Variants in SH3D19 observed in about 807,000 individuals in gnomAD.
The protein encoded by SH3D19 is SH3 domain-containing protein 19.
In SH3D19, 58 loss-of-function variants were observed where a neutral mutation model predicts 112.1. The ratio of observed to expected loss-of-function variants is 0.52; its 90% CI spans 0.42 to 0.64. The LOEUF (loss-of-function observed/expected upper bound fraction) is 0.64, where lower values mean the gene tolerates loss of function less well. SH3D19 is among the 30% of genes least tolerant of loss of function. The pLI is 0.00. For synonymous variants in SH3D19, 391 were observed against 448.5 expected (o/e 0.87, Z 1.62); for missense variants, 1,090 against 1,263.4 (o/e 0.86, Z 2.08).
At position 151,132,197 on chromosome 4, in the gene SH3D19, G is replaced by T. The variant is rs187596137; in HGVS notation, c.2742+134C>A. On this transcript the variant is annotated intron_variant, in intron 17 of 19. Coordinates refer to ENST00000604030, the MANE Select transcript of SH3D19 (RefSeq NM_001378122.1). Reference sequence around the variant, plus strand: ...TATATAAAATATATTAACCATCTAAGAATTTATTACAAACATTTGTTGTAT... The same window carrying T: ...TATATAAAATATATTAACCATCTAATAATTTATTACAAACATTTGTTGTAT... 3.9e-4 allele frequency: 281 copies of T among 712,712 alleles called. 1 individual carries two copies. In the African/African-American group the frequency reaches 4.4e-3, roughly 11 times the overall value. The allele number at this position is 712,712 out of a possible 1,614,324, so 44.1% of individuals were successfully genotyped here.
intron 1 of SH3D19, among the ~76,000 whole-genome samples, chr4:151,305,626 T>C (rs114698972): frequency 2.0e-3 from 309 of 152,256 alleles, no homozygotes; most frequent in African/African-American, 7.1e-3. Context: ...ACACCTCTAT[T>C]AAAATGGCTA....
At chr4:151,165,953 C>T (rs554184129) in intron 7 of SH3D19, 1 of 363,834 alleles carries the variant, frequency 2.7e-6, no homozygotes, top group Non-Finnish European at 5.0e-6. Flanking sequence ...TATGTAGAAG[C>T]TGATCTTTCA....
In SH3D19 at chr4:151,174,972, C is replaced by CT. The variant is rs780565923; in HGVS notation, c.1231dup (p.Ser411LysfsTer79). ...GGCAGGAGTTGGCACTTTCTTCCCA[C>CT]TATCAGAGCTCTCAGCCAGGGGCCC... On this transcript the variant is annotated frameshift_variant, in exon 7 of 20. Coordinates refer to ENST00000604030, the MANE Select transcript of SH3D19 (RefSeq NM_001378122.1). LOFTEE classifies it high-confidence loss of function. The CT allele has an allele frequency of 6.2e-7, 1 of 1,614,224 alleles. No individual in the cohort carries two copies. Among genetic ancestry groups the CT allele is most frequent in the Non-Finnish European group, 8.5e-7 (1 of 1,180,036 alleles).
At chr4:151,155,795 A>G (rs1338063239) in intron 9 of SH3D19, among the ~76,000 whole-genome samples, 3 of 152,182 alleles carry the variant, frequency 2.0e-5, no homozygotes, top group Admixed American at 6.5e-5. Flanking sequence ...AGGCTGAGGC[A>G]GGAGAACTGC....
intron 1 of SH3D19, among the ~76,000 whole-genome samples, chr4:151,299,030 A>G (rs2126317448): frequency 6.6e-6 from 1 of 152,318 alleles, no homozygotes; most frequent in Middle Eastern, 3.4e-3. Context: ...GGATTTGGTC[A>G]TGGTCAATAT....
At chr4:151,291,297 C>T (rs1775313770) in intron 1 of SH3D19, 4 of 1,614,022 alleles carry the variant, frequency 2.5e-6, no homozygotes, top group Non-Finnish European at 3.4e-6. Flanking sequence ...TCTCTGACTT[C>T]TTGTTCCCTA....
At chr4:151,134,932 C>T (rs770857687) in intron 15 of SH3D19, 142 bp downstream of exon 15, 1 of 592,914 alleles carries the variant, frequency 1.7e-6, no homozygotes, top group Non-Finnish European at 2.9e-6. Context: ...AAGCAATCCT[C>T]CCACCTCAGC....
chr4:151,144,929 A>G lies in SH3D19; in HGVS notation c.2083-879T>C, dbSNP rs949280139. ...ACATCAGACGGTCTGTACTATATAA[A>G]AGGCATACCCAGGAAATGCAATCAC... On this transcript the variant is annotated intron_variant, in intron 11 of 19. Coordinates refer to ENST00000604030, the MANE Select transcript of SH3D19 (RefSeq NM_001378122.1). 3.3e-5 allele frequency among the ~76,000 whole-genome samples: 5 copies of G among 152,274 alleles called. No homozygotes were observed. In the East Asian group the frequency reaches 9.7e-4, roughly 29 times the overall value.
chr4:151,298,445 G>T (rs1235366465), intron 1 of SH3D19, among the ~76,000 whole-genome samples: 1 of 133,688 alleles, frequency 7.5e-6, no homozygotes, highest in African/African-American at 2.5e-5. Flanking sequence ...CAAAGTGCTG[G>T]AATTACAGGC....
At chr4:151,183,930 C>CTG (rs1761333934) in intron 3 of SH3D19, among the ~76,000 whole-genome samples, 1 of 152,174 alleles carries the variant, frequency 6.6e-6, no homozygotes, top group Non-Finnish European at 1.5e-5. Context: ...GTTTCACTAC[C>CTG]ACATGTAAAA....
At chr4:151,235,481 T>G (rs1331885095) in intron 1 of SH3D19, among the ~76,000 whole-genome samples, 1 of 152,142 alleles carries the variant, frequency 6.6e-6, no homozygotes, top group Non-Finnish European at 1.5e-5. Flanking sequence ...CTAACTAATC[T>G]GAGGATAAAA....
At chr4:151,282,539 T>C (rs1443411804) in intron 1 of SH3D19, 1 of 919,644 alleles carries the variant, frequency 1.1e-6, no homozygotes, top group African/African-American at 1.7e-5. Context: ...TCTAATGATA[T>C]TATCTATAAG....
In SH3D19 at chr4:151,137,768, C is replaced by T. The variant is rs754018218; in HGVS notation, c.2391G>A (p.Gln797=). The T allele has an allele frequency of 1.2e-6, 2 of 1,603,638 alleles. No homozygotes were observed. The highest frequency in any genetic ancestry group is 1.7e-6 in the Non-Finnish European group (2 of 1,176,254). Residue 797 remains glutamine (Q), a synonymous_variant, in exon 14 of 20, where the codon CAG becomes CAA. Transcript: ENST00000604030. ...TDWYRGNCRN[Q]IGIFPANYVK... ...CATAGTTGGCAGGAAATATGCCAAT[C>T]TGGTTTCTACAGTTCCCTCTGTACC... is the stretch of plus-strand genomic sequence containing the variant.
intron 1 of SH3D19, among the ~76,000 whole-genome samples, chr4:151,263,790 TTTGTTGTTGTTG>T (rs145008066): frequency 1.3e-4 from 19 of 151,066 alleles, no homozygotes; most frequent in African/African-American, 3.7e-4. Flanking sequence ...AGCTACAGTT[TTTGTTGTTGTTG>T]TTGTTGTTGT....
chr4:151,255,676 G>A (rs369836010), intron 1 of SH3D19, among the ~76,000 whole-genome samples: 11 of 152,260 alleles, frequency 7.2e-5, no homozygotes, highest in Non-Finnish European at 1.5e-4. Context: ...CAAGGCAGGC[G>A]GCTGGGAGGT....
intron 1 of SH3D19, among the ~76,000 whole-genome samples, chr4:151,243,698 ATG>A (rs987380970): frequency 6.6e-6 from 1 of 152,242 alleles, no homozygotes; most frequent in African/African-American, 2.4e-5. Context: ...TCTGTATCAT[ATG>A]TCTCCAGGGC....
At position 151,257,235 on chromosome 4, in the gene SH3D19, G is replaced by A. The variant is rs564275037; in HGVS notation, c.113-31149C>T. Among the ~76,000 whole-genome samples the A allele has an allele frequency of 1.2e-3, 184 of 152,112 alleles. 1 individual carries two copies. Among genetic ancestry groups the A allele is most frequent in the African/African-American group, 4.1e-3 (169 of 41,482 alleles). Reference sequence around the variant, plus strand: ...CCCAAGTAGCTGGGACTACAGGCACGTGTCACCATGCCCGGCTAATTTTTG... The same window carrying A: ...CCCAAGTAGCTGGGACTACAGGCACATGTCACCATGCCCGGCTAATTTTTG... On this transcript the variant is annotated intron_variant, in intron 1 of 19. Coordinates refer to ENST00000604030, the MANE Select transcript of SH3D19 (RefSeq NM_001378122.1).
At chr4:151,165,873 T>TA in intron 7 of SH3D19, 177 bp from the exon 8 acceptor site, 1 of 565,526 alleles carries the variant, frequency 1.8e-6, no homozygotes, top group Admixed American at 3.1e-5. Flanking sequence ...GGAAATAACT[T>TA]AGTGTTCTGT....
intron 1 of SH3D19, among the ~76,000 whole-genome samples, chr4:151,267,257 C>T (rs1162965745): frequency 6.6e-6 from 1 of 151,878 alleles, no homozygotes; most frequent in Non-Finnish European, 1.5e-5. Flanking sequence ...ATTGATTAAG[C>T]CTGGGAGGTC....
Sources: allele counts gnomAD v4.1 joint callset (sites outside exome capture counted in the v4.1 genomes callset), GRCh38; gene constraint gnomAD v4.1.1; transcripts MANE v1.5; gene names NCBI Gene and HGNC (gene_info 2026-07-23, HGNC 2026-07-21).